Variants in CPLANE1 observed in about 807,000 individuals in gnomAD.
CPLANE1 encodes ciliogenesis and planar polarity effector complex subunit 1.
Under a neutral mutation model 362.5 loss-of-function variants are expected in CPLANE1, and 263 were observed. The observed-to-expected ratio is 0.73, with a 90% CI of 0.66 to 0.80. The LOEUF (loss-of-function observed/expected upper bound fraction) is 0.80. CPLANE1 is among the 30% of genes least tolerant of loss of function. CPLANE1 has a pLI of 0.00. For synonymous variants in CPLANE1, 1,212 were observed against 1,302.6 expected (o/e 0.93, Z 1.50); for missense variants, 3,461 against 3,793.4 (o/e 0.91, Z 2.30).
At chr5:37,111,640 G>C (rs1759378902) in intron 51 of CPLANE1, among the ~76,000 whole-genome samples, 2 of 152,138 alleles carry the variant, frequency 1.3e-5, no homozygotes, top group African/African-American at 4.8e-5. Context: ...GTCTGAAAAA[G>C]AAACAAAGCT....
rs1189719264 is a variant in CPLANE1 at position 37,195,887 on chromosome 5, T to C, written c.3782A>G (p.Lys1261Arg). Reference sequence around the variant, plus strand: ...TGCTCTAATGGAAACTTCATCAAGCTTGTGGTCTCCAGCTGCTCCAGGTCT... The same window carrying C: ...TGCTCTAATGGAAACTTCATCAAGCCTGTGGTCTCCAGCTGCTCCAGGTCT... Reference protein sequence around the residue: ...FFRPGAAGDHKLDEVSIRAIG... With the variant: ...FFRPGAAGDHRLDEVSIRAIG... The change falls in exon 21 of 53, where the codon AAG becomes AGG. Residue 1261 changes from lysine (K) to arginine (R), a missense_variant. Coordinates refer to ENST00000651892, the MANE Select transcript of CPLANE1 (RefSeq NM_001384732.1). 2 of 1,612,516 alleles carry C rather than the reference T, an allele frequency of 1.2e-6. No individual in the cohort carries two copies. The highest frequency in any genetic ancestry group is 1.7e-6 in the Non-Finnish European group (2 of 1,179,530).
chr5:37,099,899 C>T, the CPLANE1 span, among the ~76,000 whole-genome samples: 1 of 152,168 alleles, frequency 6.6e-6, no homozygotes, highest in Non-Finnish European at 1.5e-5. Context: ...GTTTGCTTGG[C>T]TGCATGTGTG....
Position 37,169,731 on chromosome 5 carries a change from A to T in CPLANE1, c.6463-170T>A, listed in dbSNP as rs192686268. Among the ~76,000 whole-genome samples, 25 of 148,180 alleles carry T rather than the reference A, an allele frequency of 1.7e-4. No individual in the cohort carries two copies. The East Asian group carries it at 2.2e-3, about 13-fold the overall frequency. On this transcript the variant is annotated intron_variant, in intron 33 of 52. Coordinates refer to ENST00000651892, the MANE Select transcript of CPLANE1 (RefSeq NM_001384732.1). ...CTATTGAACTACTCAGGACATTATT[A>T]TTTTTTTTTTTCTGAGACAGAGTCT...
At chr5:37,210,477 G>A (rs1161619350) in intron 16 of CPLANE1, 7 of 1,164,598 alleles carry the variant, frequency 6.0e-6, no homozygotes, top group Admixed American at 1.8e-5. Context: ...GATTGAAGAT[G>A]AAAGGAAGAA....
At chr5:37,171,912 G>A (rs1241621044) in intron 32 of CPLANE1, among the ~76,000 whole-genome samples, 1 of 151,932 alleles carries the variant, frequency 6.6e-6, no homozygotes, top group Non-Finnish European at 1.5e-5. Context: ...TCAGCCTGCC[G>A]AGTAGCTGAG....
At chr5:37,157,082 C>T (rs1321038353) in intron 41 of CPLANE1, among the ~76,000 whole-genome samples, 2 of 152,120 alleles carry the variant, frequency 1.3e-5, no homozygotes, top group Non-Finnish European at 2.9e-5. Context: ...ATTTTTAGCC[C>T]TATTAATTGA....
At chr5:37,164,440 A>G in intron 36 of CPLANE1, 113 bp from the exon 37 acceptor site, 1 of 709,834 alleles carries the variant, frequency 1.4e-6, no homozygotes, top group Non-Finnish European at 2.4e-6. Flanking sequence ...TTCAACTTCC[A>G]TCATTCTAGA....
At position 37,107,509 on chromosome 5, in the gene CPLANE1, T is replaced by C. The variant is rs1757851474; in HGVS notation, c.*93A>G. On this transcript the variant is annotated 3_prime_UTR_variant, in exon 53 of 53. Coordinates refer to ENST00000651892, the MANE Select transcript of CPLANE1 (RefSeq NM_001384732.1). ...GCAAATGGAAAATTCACATTGCTTC[T>C]TTCATTGCTTCTGTCCCTTAAACCT... 2 of 1,337,490 alleles carry C rather than the reference T, an allele frequency of 1.5e-6. No homozygotes were observed. The highest frequency in any genetic ancestry group is 3.3e-5 in the Admixed American group (1 of 30,588). 82.9% of individuals were successfully genotyped at this position (1,337,490 alleles called of 1,614,324 possible). A position where few individuals can be genotyped will look rare whatever the true frequency, so the allele number is the denominator to read the frequency against.
At chr5:37,164,147 G>T in intron 37 of CPLANE1, 126 bp downstream of exon 37, 1 of 715,588 alleles carries the variant, frequency 1.4e-6, no homozygotes, top group Non-Finnish European at 2.4e-6. Flanking sequence ...GTGGAGTATA[G>T]GAACCCTTGA....
chr5:37,218,206 C>A (rs994494564), intron 15 of CPLANE1, among the ~76,000 whole-genome samples: 1 of 152,092 alleles, frequency 6.6e-6, no homozygotes, highest in African/African-American at 2.4e-5. Flanking sequence ...TGAACCTAAA[C>A]TGTATAAACA....
At chr5:37,177,753 A>AC in intron 29 of CPLANE1, 53 bp from the exon 30 acceptor site, 1 of 1,373,284 alleles carries the variant, frequency 7.3e-7, no homozygotes, top group Non-Finnish European at 1.0e-6. Context: ...AATAGGTATT[A>AC]CTGTCTTGAG....
intron 16 of CPLANE1, among the ~76,000 whole-genome samples, chr5:37,207,520 C>G (rs1050054766): frequency 4.6e-5 from 7 of 152,064 alleles, no homozygotes; most frequent in African/African-American, 1.7e-4. Context: ...AAAAAGTTCA[C>G]GACCTTTTAA....
At chr5:37,249,108 GCGGGAGACGGCC>G (rs1424777175) in intron 1 of CPLANE1, 125 bp downstream of exon 1, 1 of 152,820 alleles carries the variant, frequency 6.5e-6, no homozygotes, top group Non-Finnish European at 1.5e-5. Context: ...GCCGGGTGCG[GCGGGAGACGGCC>G]CGGGAGGCGG....
At chr5:37,153,648 T>C in intron 42 of CPLANE1, 92 bp downstream of exon 42, 3 of 1,327,568 alleles carry the variant, frequency 2.3e-6, no homozygotes, top group Non-Finnish European at 3.1e-6. Context: ...AAAGTTCTCA[T>C]TATTTTGAAA....
intron 46 of CPLANE1, among the ~76,000 whole-genome samples, chr5:37,137,430 T>G (rs913525911): frequency 6.6e-6 from 1 of 152,214 alleles, no homozygotes; most frequent in Non-Finnish European, 1.5e-5. Context: ...TCCTACAAAC[T>G]GTTCCAACCT....
chr5:37,215,508 G>A (rs771631652), intron 15 of CPLANE1, among the ~76,000 whole-genome samples: 1 of 152,012 alleles, frequency 6.6e-6, no homozygotes, highest in Non-Finnish European at 1.5e-5. Flanking sequence ...TAAGTTTTTC[G>A]GGAGTCAAGT....
chr5:37,219,367 A>C (rs1205930199), intron 15 of CPLANE1, among the ~76,000 whole-genome samples: 1 of 152,010 alleles, frequency 6.6e-6, no homozygotes, highest in African/African-American at 2.4e-5. Flanking sequence ...ATCTCTACTA[A>C]AAATACAAAA....
chr5:37,107,444 T>A lies in CPLANE1; in HGVS notation c.*158A>T, dbSNP rs1757840999. On this transcript the variant is annotated 3_prime_UTR_variant, in exon 53 of 53. Coordinates refer to ENST00000651892, the MANE Select transcript of CPLANE1 (RefSeq NM_001384732.1). Reference sequence around the variant, plus strand: ...GGCAAAGTTACTGAGAAATGTTTATTTTTCCTCTGGTAATGGCTAATCCAG... The same window carrying A: ...GGCAAAGTTACTGAGAAATGTTTATATTTCCTCTGGTAATGGCTAATCCAG... 7.8e-7 allele frequency: 1 copy of A among 1,283,844 alleles called. No homozygotes were observed. Among genetic ancestry groups the A allele is most frequent in the African/African-American group, 1.5e-5 (1 of 65,270 alleles). The allele number at this position is 1,283,844 out of a possible 1,614,324, so 79.5% of individuals were successfully genotyped here.
At chr5:37,170,757 G>A (rs776062303) in intron 32 of CPLANE1, among the ~76,000 whole-genome samples, 4 of 152,140 alleles carry the variant, frequency 2.6e-5, no homozygotes, top group African/African-American at 4.8e-5. Context: ...CCAACATGAT[G>A]AAACCCCATC....
Sources: allele counts gnomAD v4.1 joint callset (sites outside exome capture counted in the v4.1 genomes callset), GRCh38; gene constraint gnomAD v4.1.1; transcripts MANE v1.5; gene names NCBI Gene and HGNC (gene_info 2026-07-23, HGNC 2026-07-21).